DIXDC1: variants seen among roughly 807,000 people sequenced by gnomAD.
DIXDC1 encodes the protein dixin.
In DIXDC1, 64 loss-of-function variants were observed where a neutral mutation model predicts 103.1. The observed-to-expected ratio is 0.62, with a 90% CI of 0.51 to 0.76. DIXDC1 has a LOEUF of 0.76. Ranked by LOEUF, DIXDC1 falls within the 30% of genes least tolerant of loss-of-function variation. The pLI is 0.00. For missense variants in DIXDC1, 759 were observed against 834.2 expected, an observed-to-expected ratio of 0.91 and a Z score of 1.11; for synonymous variants, 266 against 298.5, an observed-to-expected ratio of 0.89 and a Z score of 1.12.
At chr11:111,978,143 G>A (rs1248092521) in intron 5 of DIXDC1, among the ~76,000 whole-genome samples, 1 of 152,150 alleles carries the variant, frequency 6.6e-6, no homozygotes, top group African/African-American at 2.4e-5. Context: ...AATTAAGATA[G>A]AAGAGCTATT....
In DIXDC1 at chr11:111,958,930, C is replaced by G. The variant is rs1215945971; in HGVS notation, c.61-5619C>G. Among the ~76,000 whole-genome samples, 1 of 152,078 alleles carries G rather than the reference C, an allele frequency of 6.6e-6. No individual in the cohort carries two copies. Among genetic ancestry groups the G allele is most frequent in the Non-Finnish European group, 1.5e-5 (1 of 68,006 alleles). On this transcript the variant is annotated intron_variant, in intron 1 of 19. Transcript: ENST00000440460. The surrounding 1 kb of genome is among the most constrained non-coding windows in gnomAD (Gnocchi z 4.2). Reference sequence around the variant, plus strand: ...AATGGTGAGCAGATGATGGGAAAACCAGCCAAGGAGAAGAGCTACCCACTC... The same window carrying G: ...AATGGTGAGCAGATGATGGGAAAACGAGCCAAGGAGAAGAGCTACCCACTC...
At position 112,019,352 on chromosome 11, in the gene DIXDC1, G is replaced by A. The variant is rs1311205868; in HGVS notation, c.*316G>A. 2 of 187,800 alleles carry A rather than the reference G, an allele frequency of 1.1e-5. No individual in the cohort carries two copies. The highest frequency in any genetic ancestry group is 5.8e-5 in the Admixed American group (1 of 17,260). The allele number at this position is 187,800 out of a possible 1,614,324, so 11.6% of individuals were successfully genotyped here. A position where few individuals can be genotyped will look rare whatever the true frequency, so the allele number is the denominator to read the frequency against. On this transcript the variant is annotated 3_prime_UTR_variant, in exon 20 of 20. Transcript: ENST00000440460. ...GATGGATGATCCCGCCTCTGTAGGG[G>A]CATGGCTGCTATTATCTGGAAATTA...
At chr11:111,996,224 G>T in intron 17 of DIXDC1, 78 bp downstream of exon 17, 1 of 1,332,168 alleles carries the variant, frequency 7.5e-7, no homozygotes, top group Non-Finnish European at 1.0e-6. Flanking sequence ...CTACATTTTG[G>T]GGATGTAATT....
At chr11:111,930,026 T>A in intron 2 of DIXDC1, 2 of 989,712 alleles carry the variant, frequency 2.0e-6, no homozygotes, top group South Asian at 1.8e-5. Context: ...AATTTTAATA[T>A]ATTTGTCTTT....
At chr11:111,944,444 T>C (rs1330526701) in intron 1 of DIXDC1, among the ~76,000 whole-genome samples, 1 of 152,086 alleles carries the variant, frequency 6.6e-6, no homozygotes, top group African/African-American at 2.4e-5. Context: ...TGAGCTTGAG[T>C]CTTGGAGGAG....
At chr11:111,978,533 G>A (rs1004784633) in intron 5 of DIXDC1, among the ~76,000 whole-genome samples, 1 of 152,056 alleles carries the variant, frequency 6.6e-6, no homozygotes, top group Non-Finnish European at 1.5e-5. Flanking sequence ...TTTTCCTTTG[G>A]CTGCTCTGCC....
Position 112,017,761 on chromosome 11 carries a change from T to C in DIXDC1, c.1863-16T>C. 1 of 1,594,870 alleles carries C rather than the reference T, an allele frequency of 6.3e-7. No homozygotes were observed. The highest frequency in any genetic ancestry group is 8.6e-7 in the Non-Finnish European group (1 of 1,168,034). Reference sequence around the variant, plus strand: ...TGATCAACAGTCTATTTTAGTGCTCTCTCCTTGTGTTGCAGGTTGGAGGAG... The same window carrying C: ...TGATCAACAGTCTATTTTAGTGCTCCCTCCTTGTGTTGCAGGTTGGAGGAG... On this transcript the variant is annotated splice_polypyrimidine_tract_variant and intron_variant, in intron 18 of 19. Coordinates refer to ENST00000440460, the MANE Select transcript of DIXDC1 (RefSeq NM_001037954.4). This position sits in a 1 kb window ranked among gnomAD's most constrained non-coding sequence, Gnocchi z 4.0.
chr11:112,002,526 C>G (rs587630468), intron 17 of DIXDC1, among the ~76,000 whole-genome samples: 1 of 152,318 alleles, frequency 6.6e-6, no homozygotes, highest in Admixed American at 6.5e-5. Flanking sequence ...CACAGTGGCT[C>G]GTGCCTGTAA....
At position 111,974,856 on chromosome 11, in the gene DIXDC1, C is replaced by T. The variant is rs1555172419; in HGVS notation, c.549-20C>T. On this transcript the variant is annotated intron_variant, in intron 4 of 19. Coordinates refer to ENST00000440460, the MANE Select transcript of DIXDC1 (RefSeq NM_001037954.4). ...CTGAAGGACTGACACCTTCCCTTTG[C>T]TGGGGTCCTTTGACTTTAGGAACAG... The T allele has an allele frequency of 1.2e-6, 2 of 1,611,160 alleles. No homozygotes were observed. Among genetic ancestry groups the T allele is most frequent in the East Asian group, 2.2e-5 (1 of 44,810 alleles).
chr11:111,946,771 GT>G, intron 1 of DIXDC1: 1 of 489,352 alleles, frequency 2.0e-6, no homozygotes, highest in South Asian at 1.5e-5. Flanking sequence ...AGATTTTGGT[GT>G]TTTCCCAACC....
rs782343864 is a variant in DIXDC1 at position 111,974,963 on chromosome 11, G to A, written c.636G>A (p.Pro212=). The A allele has an allele frequency of 2.5e-5, 41 of 1,612,488 alleles. No individual in the cohort carries two copies. Among genetic ancestry groups the A allele is most frequent in the Admixed American group, 5.0e-5 (3 of 59,872 alleles). The part of the protein sequence containing the change: ...VQQYEGQQRS[P]SESSCSSLTS... ...AGTACGAAGGGCAACAAAGGTCCCC[G>A]TCTGAATCCAGCTGCTCCAGGTAAC... Residue 212 remains proline, a synonymous_variant, in exon 5 of 20, where the codon CCG becomes CCA. Transcript: ENST00000440460.
At chr11:111,987,674 T>TTG (rs1364587414) in intron 9 of DIXDC1, among the ~76,000 whole-genome samples, 4 of 151,504 alleles carry the variant, frequency 2.6e-5, no homozygotes, top group Admixed American at 2.0e-4. Flanking sequence ...TTTTTTTTTT[T>TTG]TTTGAGACAG....
At chr11:111,986,804 T>C (rs1001000623) in intron 8 of DIXDC1, 67 bp from the exon 9 acceptor site, 12 of 1,425,422 alleles carry the variant, frequency 8.4e-6, no homozygotes, top group Non-Finnish European at 1.2e-5. Flanking sequence ...AATAAATATT[T>C]GTTGAATGAG....
intron 2 of DIXDC1, among the ~76,000 whole-genome samples, chr11:111,966,379 C>T (rs1555171536): frequency 4.7e-5 from 7 of 149,834 alleles, no homozygotes; most frequent in South Asian, 2.1e-4. Flanking sequence ...TGCACCACCA[C>T]GCCAAGCTAA....
In DIXDC1 at chr11:111,976,832, G is replaced by A. The variant is rs1555172654; in HGVS notation, c.656+1849G>A. On this transcript the variant is annotated intron_variant, in intron 5 of 19. Transcript: ENST00000440460. This position sits in a 1 kb window ranked among gnomAD's most constrained non-coding sequence, Gnocchi z 4.3. ...TTGTAGCCAAGCAAAATGATCCTTA[G>A]TTGGTTAAAAAGAACACACGAAACG... The A allele has an allele frequency of 2.6e-5, 4 of 152,484 alleles. No individual in the cohort carries two copies. Among genetic ancestry groups the A allele is most frequent in the Non-Finnish European group, 4.4e-5 (3 of 68,098 alleles). 9.4% of individuals were successfully genotyped at this position (152,484 alleles called of 1,614,324 possible).
rs1966243728 is a variant in DIXDC1 at position 111,937,421 on chromosome 11, T to C, written c.-79T>C. ...TCCCAATGAGCTGAGCCGAGAGCCTTTGTGTGCAGAGGGAGGAGGAGGAGG... is the reference window on the plus strand; with the variant it reads ...TCCCAATGAGCTGAGCCGAGAGCCTCTGTGTGCAGAGGGAGGAGGAGGAGG... On this transcript the variant is annotated 5_prime_UTR_variant, in exon 1 of 20. Transcript: ENST00000440460. 1.3e-6 allele frequency: 2 copies of C among 1,535,024 alleles called. No individual in the cohort carries two copies. Among genetic ancestry groups the C allele is most frequent in the South Asian group, 1.2e-5 (1 of 82,120 alleles).
At chr11:111,981,138 A>C (rs1348710148) in intron 6 of DIXDC1, among the ~76,000 whole-genome samples, 1 of 151,500 alleles carries the variant, frequency 6.6e-6, no homozygotes, top group Non-Finnish European at 1.5e-5. Context: ...CAAAAGCCTT[A>C]CTCAAGTAAA....
rs1215789559 is a variant in DIXDC1 at position 111,958,845 on chromosome 11, A to G, written c.61-5704A>G. Reference sequence around the variant, plus strand: ...ACCCCAGACTCAACCAGACTTGGAAAATGATGGGACGACCTGCCTGCGGAG... The same window carrying G: ...ACCCCAGACTCAACCAGACTTGGAAGATGATGGGACGACCTGCCTGCGGAG... On this transcript the variant is annotated intron_variant, in intron 1 of 19. Transcript: ENST00000440460. This position sits in a 1 kb window ranked among gnomAD's most constrained non-coding sequence, Gnocchi z 4.2. 6.6e-6 allele frequency among the ~76,000 whole-genome samples: 1 copy of G among 152,172 alleles called. No individual in the cohort carries two copies. Among genetic ancestry groups the G allele is most frequent in the Admixed American group, 6.5e-5 (1 of 15,278 alleles).
In DIXDC1 at chr11:112,017,351, G is replaced by A. The variant is rs1045113016; in HGVS notation, c.1863-426G>A. On this transcript the variant is annotated intron_variant, in intron 18 of 19. Coordinates refer to ENST00000440460, the MANE Select transcript of DIXDC1 (RefSeq NM_001037954.4). The surrounding 1 kb of genome is among the most constrained non-coding windows in gnomAD (Gnocchi z 4.0). ...TAGTCTGCTTATTTAGTCTGGGTTA[G>A]AAGCCAGCTTCCTAAAGATAGAGGG... Among the ~76,000 whole-genome samples the A allele has an allele frequency of 1.3e-5, 2 of 152,198 alleles. No individual in the cohort carries two copies. Among genetic ancestry groups the A allele is most frequent in the Admixed American group, 6.5e-5 (1 of 15,288 alleles).
Sources: allele counts gnomAD v4.1 joint callset (sites outside exome capture counted in the v4.1 genomes callset), GRCh38; gene constraint gnomAD v4.1.1; non-coding constraint Gnocchi (gnomAD v3.1); transcripts MANE v1.5; gene names NCBI Gene and HGNC (gene_info 2026-07-23, HGNC 2026-07-21).